Variants in ZNF618 observed in about 807,000 individuals in gnomAD.
The protein encoded by ZNF618 is zinc finger protein 618, also known as neural precursor cell expressed, developmentally down-regulated 10.
In ZNF618, 34 loss-of-function variants were observed where a neutral mutation model predicts 103.0. The ratio of observed to expected loss-of-function variants is 0.33; its 90% CI spans 0.25 to 0.44. The LOEUF (loss-of-function observed/expected upper bound fraction) is 0.44, where lower values mean the gene tolerates loss of function less well. Ranked by LOEUF, ZNF618 falls within the 20% of genes least tolerant of loss-of-function variation. ZNF618 has a pLI of 1.00. For synonymous variants in ZNF618, 551 were observed against 542.2 expected (o/e 1.02, Z -0.23); for missense variants, 1,059 against 1,295.4 (o/e 0.82, Z 2.80).
At chr9:114,009,396 A>G (rs1056340481) in intron 9 of ZNF618, among the ~76,000 whole-genome samples, 1 of 152,198 alleles carries the variant, frequency 6.6e-6, no homozygotes, top group African/African-American at 2.4e-5. Context: ...CAGCATCCTC[A>G]GGAGAATGAG....
At chr9:113,945,881 C>T (rs910207552) in intron 1 of ZNF618, among the ~76,000 whole-genome samples, 9 of 152,264 alleles carry the variant, frequency 5.9e-5, no homozygotes, top group South Asian at 2.1e-4. Context: ...GGATGAAAGG[C>T]GTGATATAAA....
Position 113,913,628 on chromosome 9 carries a change from C to A in ZNF618, c.33+37215C>A, listed in dbSNP as rs1401658319. Reference sequence around the variant, plus strand: ...CAGCAGTTTATGCCAGGCTTGGGAACTTGGCAGATATCACTCCTTGGTTCT... The same window carrying A: ...CAGCAGTTTATGCCAGGCTTGGGAAATTGGCAGATATCACTCCTTGGTTCT... On this transcript the variant is annotated intron_variant, in intron 1 of 14. Coordinates refer to ENST00000374126, the MANE Select transcript of ZNF618 (RefSeq NM_001318042.2). 7.3e-5 allele frequency among the ~76,000 whole-genome samples: 11 copies of A among 150,698 alleles called. No individual in the cohort carries two copies. In the Admixed American group the frequency reaches 7.3e-4, roughly 10 times the overall value.
chr9:113,980,671 T>C (rs983690731), intron 2 of ZNF618, among the ~76,000 whole-genome samples: 14 of 152,154 alleles, frequency 9.2e-5, no homozygotes, highest in African/African-American at 3.4e-4. Context: ...TTGGGGCATA[T>C]CAAGTTGTAA....
In ZNF618 at chr9:114,049,315, G is replaced by A; in HGVS notation, c.2013G>A (p.Leu671=). 6.2e-7 allele frequency: 1 copy of A among 1,611,798 alleles called. No homozygotes were observed. The highest frequency in any genetic ancestry group is 8.5e-7 in the Non-Finnish European group (1 of 1,179,638). ...AGCTGCTCAACGTGTGCGAGGACCTGGCGGGCTCCACGGGCCTGGCCAAGG... is the reference window on the plus strand; with the variant it reads ...AGCTGCTCAACGTGTGCGAGGACCTAGCGGGCTCCACGGGCCTGGCCAAGG... ...VIELLNVCED[L]AGSTGLAKET... is the part of the protein sequence containing the mutation. Residue 671 remains leucine, a synonymous_variant, in exon 15 of 15, where the codon CTG becomes CTA. Coordinates refer to ENST00000374126, the MANE Select transcript of ZNF618 (RefSeq NM_001318042.2).
chr9:114,036,461 C>T, intron 13 of ZNF618, 84 bp downstream of exon 13: 1 of 1,366,316 alleles, frequency 7.3e-7, no homozygotes. Flanking sequence ...CCTGAGGCCC[C>T]TGGAGAAGGC....
At position 114,049,355 on chromosome 9, in the gene ZNF618, C is replaced by T. The variant is rs1845940424; in HGVS notation, c.2053C>T (p.Leu685=). Residue 685 remains leucine, a synonymous_variant, in exon 15 of 15, where the codon CTG becomes TTG. Coordinates refer to ENST00000374126, the MANE Select transcript of ZNF618 (RefSeq NM_001318042.2). ...CCTGGCCAAGGAGACCTTCGGGTCGCTGGAGGAGACGTCTCCACCACCCTG... is the reference window on the plus strand; with the variant it reads ...CCTGGCCAAGGAGACCTTCGGGTCGTTGGAGGAGACGTCTCCACCACCCTG... ...TGLAKETFGS[L]EETSPPPCWN... 1.2e-6 allele frequency: 2 copies of T among 1,608,952 alleles called. No homozygotes were observed. Among genetic ancestry groups the T allele is most frequent in the South Asian group, 1.1e-5 (1 of 90,502 alleles).
rs376643487 is a variant in ZNF618, at chr9:113,957,350, A to G, written c.34-11767A>G. 1.3e-4 allele frequency among the ~76,000 whole-genome samples: 20 copies of G among 152,264 alleles called. No individual in the cohort carries two copies. The East Asian group carries it at 2.7e-3, about 21-fold the overall frequency. On this transcript the variant is annotated intron_variant, in intron 1 of 14. Coordinates refer to ENST00000374126, the MANE Select transcript of ZNF618 (RefSeq NM_001318042.2). ...TACATCAGAGGAAACTAAGGCTGAGAGACAGGATGTATCGAGCTACTAAGT... is the reference window on the plus strand; with the variant it reads ...TACATCAGAGGAAACTAAGGCTGAGGGACAGGATGTATCGAGCTACTAAGT...
intron 1 of ZNF618, among the ~76,000 whole-genome samples, chr9:113,932,701 C>T (rs778702924): frequency 1.3e-5 from 2 of 151,980 alleles, no homozygotes; most frequent in East Asian, 1.9e-4. Context: ...TTGGCCTGAG[C>T]GCTGGGTGAT....
intron 3 of ZNF618, among the ~76,000 whole-genome samples, chr9:113,995,243 T>TAA (rs761311340): frequency 1.4e-5 from 2 of 142,792 alleles, no homozygotes; most frequent in South Asian, 2.2e-4. Flanking sequence ...TTGAAATTTC[T>TAA]AAAAAAAAAA....
chr9:114,043,788 C>T (rs1845422664), intron 13 of ZNF618, among the ~76,000 whole-genome samples: 1 of 152,234 alleles, frequency 6.6e-6, no homozygotes, highest in South Asian at 2.1e-4. Context: ...ATTTGCATTT[C>T]CCTGATCATT....
intron 10 of ZNF618, among the ~76,000 whole-genome samples, chr9:114,023,863 C>T (rs1843272824): frequency 6.6e-6 from 1 of 152,000 alleles, no homozygotes; most frequent in African/African-American, 2.4e-5. Flanking sequence ...TATTTTTTCT[C>T]TGGATGCTTT....
At chr9:113,910,732 A>G (rs1484808983) in intron 1 of ZNF618, among the ~76,000 whole-genome samples, 7 of 152,096 alleles carry the variant, frequency 4.6e-5, no homozygotes, top group Admixed American at 3.3e-4. Context: ...ACCTGTGCTC[A>G]GGGCCCGTCT....
chr9:113,933,902 A>G (rs948571400), intron 1 of ZNF618, among the ~76,000 whole-genome samples: 5 of 152,030 alleles, frequency 3.3e-5, no homozygotes, highest in Non-Finnish European at 7.4e-5. Flanking sequence ...TGTGGGGGCC[A>G]GGATTGGTGG....
At chr9:114,038,756 AG>A (rs1844857454) in intron 13 of ZNF618, among the ~76,000 whole-genome samples, 1 of 152,162 alleles carries the variant, frequency 6.6e-6, no homozygotes, top group African/African-American at 2.4e-5. Flanking sequence ...AGCTTTACGC[AG>A]GTTATTTCAT....
chr9:113,998,330 G>T lies in ZNF618; in HGVS notation c.409G>T (p.Asp137Tyr). 1.3e-6 allele frequency: 2 copies of T among 1,550,600 alleles called. No individual in the cohort carries two copies. The highest frequency in any genetic ancestry group is 2.4e-5 in the South Asian group (2 of 84,062). Residue 137 changes from aspartate to tyrosine, a missense_variant, in exon 4 of 15, where the codon GAC becomes TAC. This residue lies in a region of ZNF618 where 194 missense variants were observed against 209.0 expected (regional missense o/e 0.93). Coordinates refer to ENST00000374126, the MANE Select transcript of ZNF618 (RefSeq NM_001318042.2). ...RSRYSGTWIF[D>Y]QALRYASGSY... The stretch of plus-strand genomic sequence containing the variant: ...CCGGTATTCAGGGACCTGGATTTTT[G>T]ACCAAGCATTGAGATATGCATCTGG...
chr9:114,017,204 T>TAACTGG (rs970377796), intron 10 of ZNF618, among the ~76,000 whole-genome samples: 17 of 152,268 alleles, frequency 1.1e-4, no homozygotes, highest in African/African-American at 3.4e-4. Flanking sequence ...GGGGCGTGGT[T>TAACTGG]AACTGGACAG....
chr9:114,008,868 G>A (rs1463319912), intron 9 of ZNF618, among the ~76,000 whole-genome samples: 1 of 152,220 alleles, frequency 6.6e-6, no homozygotes, highest in African/African-American at 2.4e-5. Flanking sequence ...GTGGAGTGAG[G>A]ATGACATTTC....
chr9:113,965,354 A>G (rs1376738345), intron 1 of ZNF618, among the ~76,000 whole-genome samples: 1 of 152,104 alleles, frequency 6.6e-6, no homozygotes, highest in Non-Finnish European at 1.5e-5. Context: ...TTAATAAGAG[A>G]ATGGAAAAGA....
chr9:113,911,481 A>G (rs1362016549), intron 1 of ZNF618, among the ~76,000 whole-genome samples: 1 of 151,638 alleles, frequency 6.6e-6, no homozygotes, highest in Non-Finnish European at 1.5e-5. Flanking sequence ...GGCACCTGCC[A>G]CGATGCCCAG....
Sources: gnomAD v4.1 joint callset for allele counts (sites outside exome capture counted in the v4.1 genomes callset) on GRCh38, gnomAD v4.1.1 for gene constraint, gnomAD v4.1.1 regional missense constraint, MANE v1.5 for transcripts, NCBI Gene and HGNC (gene_info 2026-07-23, HGNC 2026-07-21) for gene names.